SYNE2: variants seen among roughly 807,000 people sequenced by gnomAD.
SYNE2 encodes spectrin repeat containing nuclear envelope protein 2, also known as nesprin-2.
Under a neutral mutation model 856.3 loss-of-function variants are expected in SYNE2, and 431 were observed. The observed-to-expected ratio is 0.50, with a 90% CI of 0.47 to 0.55. SYNE2 has a LOEUF of 0.55. SYNE2 is among the 20% of genes least tolerant of loss of function. The pLI, the probability that SYNE2 is intolerant of heterozygous loss-of-function variation, is 0.00. For synonymous variants in SYNE2, 2,923 were observed against 2,872.3 expected (o/e 1.02, Z -0.56); for missense variants, 8,129 against 8,023.2 (o/e 1.01, Z -0.50).
intron 1 of SYNE2, among the ~76,000 whole-genome samples, chr14:63,831,931 TA>T (rs1429563032): frequency 9.2e-5 from 14 of 152,112 alleles, no homozygotes; most frequent in Middle Eastern, 3.4e-3. Context: ...CTAGAAAACA[TA>T]TTTTTTTTAA....
chr14:64,116,306 AT>A (rs368452987), intron 66 of SYNE2, among the ~76,000 whole-genome samples: 20 of 152,374 alleles, frequency 1.3e-4, no homozygotes, highest in African/African-American at 4.6e-4. Flanking sequence ...CATTAAAAAA[AT>A]ATCATTCTGG....
At chr14:64,061,437 C>T (rs964885188) in intron 49 of SYNE2, among the ~76,000 whole-genome samples, 4 of 152,196 alleles carry the variant, frequency 2.6e-5, no homozygotes, top group African/African-American at 9.6e-5. Flanking sequence ...GTACATCTTA[C>T]ATTTTTAATG....
At chr14:63,793,518 G>A (rs896163833) in intron 1 of SYNE2, among the ~76,000 whole-genome samples, 4 of 150,006 alleles carry the variant, frequency 2.7e-5, no homozygotes, top group Non-Finnish European at 3.0e-5. Context: ...TTGAAAAGTT[G>A]TCAAGCAACA....
chr14:63,980,633 T>C (rs759323288), intron 14 of SYNE2, 21 bp from the exon 15 acceptor site: 1 of 1,481,076 alleles, frequency 6.8e-7, no homozygotes, highest in African/African-American at 1.4e-5. Flanking sequence ...ACTGTCAATA[T>C]GTTTTTTGTT....
At chr14:63,949,476 A>G (rs1482103235) in intron 6 of SYNE2, among the ~76,000 whole-genome samples, 1 of 152,148 alleles carries the variant, frequency 6.6e-6, no homozygotes, top group Non-Finnish European at 1.5e-5. Context: ...GTCTCTAAAG[A>G]TACTCTAGGA....
At chr14:63,829,765 C>T (rs1193256702) in intron 1 of SYNE2, among the ~76,000 whole-genome samples, 2 of 152,074 alleles carry the variant, frequency 1.3e-5, no homozygotes, top group Non-Finnish European at 2.9e-5. Context: ...GGACTACAGA[C>T]ATGCACTGCC....
chr14:63,795,119 CTGAG>C (rs1887874466), intron 1 of SYNE2, among the ~76,000 whole-genome samples: 1 of 151,988 alleles, frequency 6.6e-6, no homozygotes, highest in Non-Finnish European at 1.5e-5. Context: ...ATGGTTAATA[CTGAG>C]TGTCAACTTG....
intron 1 of SYNE2, among the ~76,000 whole-genome samples, chr14:63,853,986 A>G (rs113116854): frequency 0.022 from 3,346 of 152,152 alleles, 141 homozygotes; most frequent in African/African-American, 0.077. Flanking sequence ...ATTGAGGCTG[A>G]GAAGTCCTGT....
chr14:64,010,436 T>C (rs2096834966), intron 32 of SYNE2, among the ~76,000 whole-genome samples: 1 of 152,156 alleles, frequency 6.6e-6, no homozygotes, highest in Admixed American at 6.5e-5. Flanking sequence ...TGACCCTTCA[T>C]TGCAGGCTTG....
intron 89 of SYNE2, 36 bp downstream of exon 89, chr14:64,163,617 G>A: frequency 6.2e-7 from 1 of 1,611,738 alleles, no homozygotes; most frequent in South Asian, 1.1e-5. Context: ...TTTAGTCTTA[G>A]ACATTTGCAT....
intron 2 of SYNE2, among the ~76,000 whole-genome samples, chr14:63,934,101 G>A (rs909225464): frequency 3.3e-5 from 5 of 152,178 alleles, no homozygotes; most frequent in Non-Finnish European, 7.3e-5. Flanking sequence ...GTTCTTTATT[G>A]CATTTAGAGG....
intron 45 of SYNE2, among the ~76,000 whole-genome samples, chr14:64,038,334 C>T (rs1260854102): frequency 6.6e-6 from 1 of 152,060 alleles, no homozygotes; most frequent in Non-Finnish European, 1.5e-5. Flanking sequence ...GGCGGCCGGG[C>T]AGAGACGCTC....
At chr14:64,080,180 G>A (rs1385275675) in intron 55 of SYNE2, among the ~76,000 whole-genome samples, 13 of 152,078 alleles carry the variant, frequency 8.5e-5, no homozygotes, top group Admixed American at 7.2e-4. Context: ...TATTGACCTT[G>A]TTTGTGTCAG....
chr14:63,940,012 C>G (rs1162303634), intron 2 of SYNE2, among the ~76,000 whole-genome samples: 2 of 151,082 alleles, frequency 1.3e-5, no homozygotes, highest in Admixed American at 6.6e-5. Flanking sequence ...TTAGGAACTC[C>G]TGTTGCTGCT....
intron 60 of SYNE2, among the ~76,000 whole-genome samples, chr14:64,091,540 A>C (rs2097614454): frequency 6.6e-6 from 1 of 152,176 alleles, no homozygotes; most frequent in Admixed American, 6.5e-5. Flanking sequence ...TGTAGAGGTT[A>C]ATTTATGTAC....
intron 96 of SYNE2, among the ~76,000 whole-genome samples, chr14:64,185,519 CTTTTT>C (rs66490444): frequency 2.8e-4 from 22 of 77,474 alleles, no homozygotes; most frequent in Non-Finnish European, 3.3e-4. Flanking sequence ...TTTTCTTTTT[CTTTTT>C]TTTTTTTTTT....
intron 114 of SYNE2, 117 bp downstream of exon 114, chr14:64,224,664 G>A (rs993776316): frequency 3.5e-5 from 40 of 1,151,996 alleles, no homozygotes; most frequent in Non-Finnish European, 4.9e-5. Context: ...ACAGGTCTCT[G>A]CTGACCCATA....
Position 64,129,905 on chromosome 14 carries a change from T to C in SYNE2, c.14139+4T>C, listed in dbSNP as rs752450080. ...CCAGGAGGTTTACAAATTAGAGGTA[T>C]GCCTGAGCAGAAAACATTGACTCAG... On this transcript the variant is annotated splice_donor_region_variant and intron_variant, in intron 75 of 115. Transcript: ENST00000555002. The C allele has an allele frequency of 1.2e-6, 2 of 1,614,058 alleles. No individual in the cohort carries two copies. The highest frequency in any genetic ancestry group is 8.5e-7 in the Non-Finnish European group (1 of 1,180,042).
intron 1 of SYNE2, among the ~76,000 whole-genome samples, chr14:63,827,548 T>A (rs1889481500): frequency 7.6e-6 from 1 of 131,476 alleles, no homozygotes; most frequent in Non-Finnish European, 1.6e-5. Context: ...TTGCTTGAAC[T>A]TGGGAGGCGG....
Sources: gnomAD v4.1 joint callset for allele counts (sites outside exome capture counted in the v4.1 genomes callset) on GRCh38, gnomAD v4.1.1 for gene constraint, MANE v1.5 for transcripts, NCBI Gene and HGNC (gene_info 2026-07-23, HGNC 2026-07-21) for gene names.